UCK2: variants seen among roughly 807,000 people sequenced by gnomAD.
UCK2 encodes cytidine monophosphokinase 2.
Under a neutral mutation model 30.8 loss-of-function variants are expected in UCK2, and 6 were observed. The ratio of observed to expected loss-of-function variants is 0.19; its 90% confidence interval spans 0.11 to 0.38. The LOEUF is 0.38. Among genes scored for constraint, UCK2 ranks in the 10% least tolerant of loss-of-function variants. UCK2 has a pLI of 1.00. For synonymous variants in UCK2, 125 were observed against 133.6 expected (o/e 0.94, Z 0.45); for missense variants, 210 against 339.8 (o/e 0.62, Z 3.00).
intron 1 of UCK2, among the ~76,000 whole-genome samples, chr1:165,866,722 T>C (rs1413143174): frequency 6.6e-6 from 1 of 152,180 alleles, no homozygotes; most frequent in East Asian, 1.9e-4. Flanking sequence ...TGACTCAGAA[T>C]TGGACTATTC....
Position 165,881,130 on chromosome 1 carries a change from G to A in UCK2, c.100-9074G>A, listed in dbSNP as rs572472262. Among the ~76,000 whole-genome samples, 7 of 139,290 alleles carry A rather than the reference G, an allele frequency of 5.0e-5. No homozygotes were observed. In the South Asian group the frequency reaches 9.1e-4, roughly 18 times the overall value. The allele number at this position is 139,290 out of a possible 152,430, so 91.4% of individuals were successfully genotyped here. On this transcript the variant is annotated intron_variant, in intron 1 of 6. Transcript: ENST00000367879. The stretch of plus-strand genomic sequence containing the variant: ...AGAGGTTGCAGTGAGCTGAGATCAC[G>A]CCACTGTACTCCAGCCTGGGCGACA...
intron 1 of UCK2, among the ~76,000 whole-genome samples, chr1:165,881,680 T>C (rs1001142120): frequency 2.0e-5 from 3 of 152,266 alleles, no homozygotes; most frequent in African/African-American, 7.2e-5. Context: ...GCTTTTAGAA[T>C]AGTTCCTGAC....
chr1:165,902,592 A>ATTTGTTTTTTTTT (rs1647514409), intron 4 of UCK2: 1 of 45,758 alleles, frequency 2.2e-5, no homozygotes, highest in South Asian at 1.3e-3. Flanking sequence ...TCACTGAGTG[A>ATTTGTTTTTTTTT]TTTTTTTTTT....
chr1:165,873,740 C>T (rs1655260335), intron 1 of UCK2, among the ~76,000 whole-genome samples: 2 of 152,126 alleles, frequency 1.3e-5, no homozygotes, highest in Non-Finnish European at 2.9e-5. Flanking sequence ...GAAGCTTTTC[C>T]CACATGCTGC....
intron 1 of UCK2, among the ~76,000 whole-genome samples, chr1:165,872,645 G>T (rs979505469): frequency 1.3e-5 from 2 of 152,222 alleles, no homozygotes; most frequent in African/African-American, 4.8e-5. Context: ...CATAATTTAT[G>T]TCTGTCAATG....
At chr1:165,873,262 A>G (rs1160534313) in intron 1 of UCK2, among the ~76,000 whole-genome samples, 1 of 152,258 alleles carries the variant, frequency 6.6e-6, no homozygotes, top group Non-Finnish European at 1.5e-5. Flanking sequence ...AGAAGTCAGT[A>G]TGCAATTGAT....
In UCK2 at chr1:165,891,323, G is replaced by A. The variant is rs1235697626; in HGVS notation, c.356+1G>A. The A allele has an allele frequency of 6.2e-7, 1 of 1,613,978 alleles. No individual in the cohort carries two copies. Reference sequence around the variant, plus strand: ...TGTATGACTTTGTCTCCCATTCCCGGTAAGTGAGCTGTTCTGGGCCAGGGA... The same window carrying A: ...TGTATGACTTTGTCTCCCATTCCCGATAAGTGAGCTGTTCTGGGCCAGGGA... On this transcript the variant is annotated splice_donor_variant, in intron 3 of 6. Coordinates refer to ENST00000367879, the MANE Select transcript of UCK2 (RefSeq NM_012474.5). LOFTEE classifies it high-confidence loss of function.
At chr1:165,885,739 C>G (rs1241938459) in intron 1 of UCK2, among the ~76,000 whole-genome samples, 1 of 152,216 alleles carries the variant, frequency 6.6e-6, no homozygotes, top group Non-Finnish European at 1.5e-5. Flanking sequence ...CATTCAACCT[C>G]TCTTTGCCTC....
intron 1 of UCK2, among the ~76,000 whole-genome samples, chr1:165,840,199 G>A (rs1571265158): frequency 6.6e-6 from 1 of 152,260 alleles, no homozygotes; most frequent in Non-Finnish European, 1.5e-5. Context: ...GAGTACAGGC[G>A]TGAGCCACTG....
At chr1:165,860,966 T>C (rs1469170389) in intron 1 of UCK2, among the ~76,000 whole-genome samples, 2 of 152,192 alleles carry the variant, frequency 1.3e-5, no homozygotes, top group Non-Finnish European at 2.9e-5. Context: ...CAGTCTACTA[T>C]AATAAAATAG....
chr1:165,901,576 T>C (rs557247926), intron 4 of UCK2, among the ~76,000 whole-genome samples: 1 of 152,212 alleles, frequency 6.6e-6, no homozygotes, highest in East Asian at 1.9e-4. Context: ...TGAGAAATGG[T>C]TGGGAAGGAG....
chr1:165,908,070 C>A lies in UCK2; in HGVS notation c.*247C>A. The A allele has an allele frequency of 4.6e-6, 2 of 434,824 alleles. No homozygotes were observed. Among genetic ancestry groups the A allele is most frequent in the Non-Finnish European group, 8.1e-6 (2 of 246,294 alleles). The allele number at this position is 434,824 out of a possible 1,614,324, so 26.9% of individuals were successfully genotyped here. ...TGGTGATGCCTAATTATGAATCCAA[C>A]GTGTAACCAGTTATAAATACATATA... On this transcript the variant is annotated 3_prime_UTR_variant, in exon 7 of 7. Coordinates refer to ENST00000367879, the MANE Select transcript of UCK2 (RefSeq NM_012474.5).
intron 1 of UCK2, 129 bp downstream of exon 1, chr1:165,828,061 C>A: frequency 1.8e-6 from 1 of 560,230 alleles, no homozygotes; most frequent in Non-Finnish European, 2.4e-6. Flanking sequence ...CTCCCGGCCG[C>A]GCTCCAGCGC....
intron 1 of UCK2, among the ~76,000 whole-genome samples, chr1:165,828,138 T>C (rs1233255292): frequency 6.6e-6 from 1 of 151,534 alleles, no homozygotes; most frequent in Non-Finnish European, 1.5e-5. Flanking sequence ...CCTTGGGGGT[T>C]CCGGGGGTAC....
At chr1:165,875,380 C>G (rs1049315329) in intron 1 of UCK2, among the ~76,000 whole-genome samples, 2 of 152,146 alleles carry the variant, frequency 1.3e-5, no homozygotes, top group African/African-American at 4.8e-5. Flanking sequence ...TTCCTTTACT[C>G]TCACACCACA....
intron 1 of UCK2, among the ~76,000 whole-genome samples, chr1:165,830,676 C>T (rs1404353184): frequency 2.0e-5 from 3 of 152,152 alleles, no homozygotes; most frequent in Non-Finnish European, 2.9e-5. Flanking sequence ...CTTGTTTGTA[C>T]ATTTTTGACA....
intron 3 of UCK2, chr1:165,892,855 G>T (rs577320725): frequency 1.3e-5 from 2 of 152,746 alleles, no homozygotes; most frequent in South Asian, 4.1e-4. Context: ...CAAGGTGCTG[G>T]GTAGGGAAGC....
At chr1:165,861,417 C>T (rs975017381) in intron 1 of UCK2, among the ~76,000 whole-genome samples, 26 of 151,674 alleles carry the variant, frequency 1.7e-4, no homozygotes, top group Non-Finnish European at 3.1e-4. Flanking sequence ...TCACGAGGTC[C>T]GGACATCGAG....
chr1:165,835,095 C>T (rs1654154000), intron 1 of UCK2, among the ~76,000 whole-genome samples: 1 of 152,134 alleles, frequency 6.6e-6, no homozygotes, highest in South Asian at 2.1e-4. Flanking sequence ...TCTAGAAGTC[C>T]AAAGTTCTGT....
Sources: allele counts gnomAD v4.1 joint callset (sites outside exome capture counted in the v4.1 genomes callset), GRCh38; gene constraint gnomAD v4.1.1; transcripts MANE v1.5; gene names NCBI Gene and HGNC (gene_info 2026-07-23, HGNC 2026-07-21).